NLGN1: variants seen among roughly 807,000 people sequenced by gnomAD.
The protein encoded by NLGN1 is neuroligin 1.
A neutral mutation model predicts 65.5 loss-of-function variants in NLGN1; 12 were observed. The observed-to-expected ratio is 0.18, with a 90% CI of 0.12 to 0.30. NLGN1 has a LOEUF of 0.30. Among genes scored for constraint, NLGN1 ranks in the 10% least tolerant of loss-of-function variants. NLGN1 has a pLI of 1.00. For missense variants in NLGN1, 750 were observed against 1,007.1 expected, an observed-to-expected ratio of 0.74 and a Z score of 3.46; for synonymous variants, 350 against 359.5, an observed-to-expected ratio of 0.97 and a Z score of 0.30.
At chr3:173,941,035 C>CTTT (rs1745997037) in intron 4 of NLGN1, among the ~76,000 whole-genome samples, 1 of 151,914 alleles carries the variant, frequency 6.6e-6, no homozygotes, top group Non-Finnish European at 1.5e-5. Flanking sequence ...AAAGGGACTT[C>CTTT]TGTGTAGCTT....
chr3:173,630,997 G>T (rs913443801), intron 3 of NLGN1, among the ~76,000 whole-genome samples: 1 of 152,120 alleles, frequency 6.6e-6, no homozygotes, highest in Non-Finnish European at 1.5e-5. Flanking sequence ...AGAAGAGAGC[G>T]AGAAGGCAAG....
At chr3:173,544,456 G>A (rs772438278) in intron 2 of NLGN1, among the ~76,000 whole-genome samples, 1 of 152,058 alleles carries the variant, frequency 6.6e-6, no homozygotes, top group Non-Finnish European at 1.5e-5. Flanking sequence ...TATCATGAAT[G>A]GGGAAAAGGA....
rs140382566 is a variant in NLGN1, at chr3:173,748,742, T to C, written c.494-58938T>C. On this transcript the variant is annotated intron_variant, in intron 3 of 6. Transcript: ENST00000457714. Reference sequence around the variant, plus strand: ...TGGAGTATTCAGCTATGTAGATATCTTCTTATCTATCAGTTTGGAAGATTT... The same window carrying C: ...TGGAGTATTCAGCTATGTAGATATCCTCTTATCTATCAGTTTGGAAGATTT... 2.2e-3 allele frequency among the ~76,000 whole-genome samples: 337 copies of C among 152,256 alleles called. 1 individual carries two copies. The highest frequency in any genetic ancestry group is 7.8e-3 in the African/African-American group (325 of 41,570).
chr3:173,484,724 A>G (rs1477625436), intron 2 of NLGN1, among the ~76,000 whole-genome samples: 1 of 152,212 alleles, frequency 6.6e-6, no homozygotes, highest in Non-Finnish European at 1.5e-5. Context: ...TGATCGTATT[A>G]TAAATTCTTA....
At position 174,129,025 on chromosome 3, in the gene NLGN1, C is replaced by T. The variant is rs569930171; in HGVS notation, c.647-146290C>T. Among the ~76,000 whole-genome samples, 31 of 152,178 alleles carry T rather than the reference C, an allele frequency of 2.0e-4. 1 individual carries two copies. Among genetic ancestry groups the T allele is most frequent in the South Asian group, 8.3e-4 (4 of 4,822 alleles). On this transcript the variant is annotated intron_variant, in intron 4 of 6. Transcript: ENST00000457714. The stretch of plus-strand genomic sequence containing the variant: ...GTCATTACCTGGACATTATAGGTAA[C>T]AAGCTTCAATTAAAACATGTCCAAA...
At chr3:173,579,304 T>A (rs1348523017) in intron 2 of NLGN1, among the ~76,000 whole-genome samples, 1 of 152,136 alleles carries the variant, frequency 6.6e-6, no homozygotes, top group Non-Finnish European at 1.5e-5. Flanking sequence ...TGAATCCTTG[T>A]CTCTAGAAAA....
At chr3:173,641,038 T>A (rs1757335765) in intron 3 of NLGN1, among the ~76,000 whole-genome samples, 1 of 152,226 alleles carries the variant, frequency 6.6e-6, no homozygotes, top group Non-Finnish European at 1.5e-5. Context: ...AGTGATATTT[T>A]GAAGTATTTG....
intron 4 of NLGN1, among the ~76,000 whole-genome samples, chr3:174,194,220 AGGCTGAGGCAGAC>A (rs1732935232): frequency 6.6e-6 from 1 of 152,108 alleles, no homozygotes; most frequent in Admixed American, 6.5e-5. Flanking sequence ...GCACTTTGGG[AGGCTGAGGCAGAC>A]GGATAACGAA....
At chr3:173,623,723 T>A (rs1185220723) in intron 3 of NLGN1, among the ~76,000 whole-genome samples, 2 of 152,068 alleles carry the variant, frequency 1.3e-5, no homozygotes, top group African/African-American at 4.8e-5. Flanking sequence ...CTACCAGATG[T>A]TTGTGCGTAA....
At chr3:173,749,935 C>T (rs1193688291) in intron 3 of NLGN1, among the ~76,000 whole-genome samples, 2 of 152,024 alleles carry the variant, frequency 1.3e-5, no homozygotes, top group African/African-American at 4.8e-5. Flanking sequence ...GGATACTTTT[C>T]ACTTATTCAC....
At chr3:173,493,397 G>T (rs1347213543) in intron 2 of NLGN1, among the ~76,000 whole-genome samples, 1 of 151,844 alleles carries the variant, frequency 6.6e-6, no homozygotes, top group Non-Finnish European at 1.5e-5. Flanking sequence ...ACTGCAGTTT[G>T]TGTTAATCAT....
intron 3 of NLGN1, among the ~76,000 whole-genome samples, chr3:173,717,623 A>G (rs908189321): frequency 2.0e-5 from 3 of 152,152 alleles, no homozygotes; most frequent in African/African-American, 4.8e-5. Context: ...ATGACAATTT[A>G]TTGAATATCT....
chr3:174,272,950 T>TACAAG (rs1332028546), intron 4 of NLGN1, among the ~76,000 whole-genome samples: 4 of 151,804 alleles, frequency 2.6e-5, no homozygotes, highest in African/African-American at 9.6e-5. Context: ...TTGAATATAT[T>TACAAG]ACAAGACTTC....
At chr3:174,246,475 G>A (rs965386562) in intron 4 of NLGN1, among the ~76,000 whole-genome samples, 6 of 152,124 alleles carry the variant, frequency 3.9e-5, no homozygotes, top group South Asian at 4.1e-4. Flanking sequence ...GCTGGAATGC[G>A]TGGCCTGATC....
intron 3 of NLGN1, among the ~76,000 whole-genome samples, chr3:173,671,778 AT>A (rs907394584): frequency 6.6e-6 from 1 of 152,204 alleles, no homozygotes; most frequent in Non-Finnish European, 1.5e-5. Context: ...TGGTACTACA[AT>A]TTAGGCTTTC....
At chr3:173,463,915 C>G (rs145481235) in intron 2 of NLGN1, among the ~76,000 whole-genome samples, 1 of 151,636 alleles carries the variant, frequency 6.6e-6, no homozygotes, top group African/African-American at 2.4e-5. Context: ...ATAGTTGTTA[C>G]TTAAAGATAA....
chr3:173,970,875 T>A (rs1716075017), intron 4 of NLGN1, among the ~76,000 whole-genome samples: 1 of 152,106 alleles, frequency 6.6e-6, no homozygotes, highest in Non-Finnish European at 1.5e-5. Flanking sequence ...CTGGCAGTAA[T>A]GGAGGAGTAG....
At chr3:173,681,695 A>G (rs183678467) in intron 3 of NLGN1, among the ~76,000 whole-genome samples, 3 of 152,264 alleles carry the variant, frequency 2.0e-5, no homozygotes, top group Admixed American at 6.5e-5. Context: ...TACTAGGTAT[A>G]CAATTGGGCA....
intron 4 of NLGN1, among the ~76,000 whole-genome samples, chr3:174,105,708 T>C (rs1260160955): frequency 6.6e-6 from 1 of 151,998 alleles, no homozygotes; most frequent in Non-Finnish European, 1.5e-5. Context: ...TATCTATATC[T>C]ATATCTAGAT....
Sources: allele counts gnomAD v4.1 joint callset (sites outside exome capture counted in the v4.1 genomes callset), GRCh38; gene constraint gnomAD v4.1.1; transcripts MANE v1.5; gene names NCBI Gene and HGNC (gene_info 2026-07-23, HGNC 2026-07-21).